Variants in ADAMTS2 observed in about 807,000 individuals in gnomAD.
The protein encoded by ADAMTS2 is A disintegrin and metalloproteinase with thrombospondin motifs 2.
A neutral mutation model predicts 123.0 loss-of-function variants in ADAMTS2; 50 were observed. That is an observed-to-expected ratio of 0.41 (90% CI 0.32 to 0.51). The LOEUF (loss-of-function observed/expected upper bound fraction) is 0.51. Ranked by LOEUF, ADAMTS2 falls within the 20% of genes least tolerant of loss-of-function variation. The pLI is 0.35. For missense variants in ADAMTS2, 1,494 were observed against 1,705.2 expected (o/e 0.88, Z 2.18); for synonymous variants, 678 against 695.4 (o/e 0.98, Z 0.39).
At chr5:179,291,165 C>T (rs1756177456) in intron 2 of ADAMTS2, among the ~76,000 whole-genome samples, 2 of 152,328 alleles carry the variant, frequency 1.3e-5, no homozygotes, top group Admixed American at 1.3e-4. Flanking sequence ...TTGAGGATTC[C>T]CACTCACATC....
Position 179,284,531 on chromosome 5 carries a change from T to C in ADAMTS2, c.535-11467A>G, listed in dbSNP as rs187583839. On this transcript the variant is annotated intron_variant, in intron 2 of 21. Coordinates refer to ENST00000251582, the MANE Select transcript of ADAMTS2 (RefSeq NM_014244.5). ...CCTCCCAAGTAGCTGGGATTACAGG[T>C]GCACAACACCATGCCTGGCTAATTT... 1.1e-3 allele frequency among the ~76,000 whole-genome samples: 165 copies of C among 152,006 alleles called. 1 individual carries two copies. Among genetic ancestry groups the C allele is most frequent in the African/African-American group, 3.8e-3 (156 of 41,498 alleles).
intron 3 of ADAMTS2, among the ~76,000 whole-genome samples, chr5:179,217,773 ACACTCACT>A (rs1765019593): frequency 8.3e-6 from 1 of 120,002 alleles, no homozygotes; most frequent in Admixed American, 8.5e-5. Context: ...GGGGATGGGC[ACACTCACT>A]AGGGGATGGC....
intron 4 of ADAMTS2, among the ~76,000 whole-genome samples, chr5:179,184,038 G>A (rs1208829390): frequency 6.6e-6 from 1 of 152,152 alleles, no homozygotes. Context: ...AGAACTGTGG[G>A]AAATGAATTC....
chr5:179,154,987 A>G, intron 6 of ADAMTS2, 68 bp from the exon 7 acceptor site: 2 of 1,389,504 alleles, frequency 1.4e-6, no homozygotes, highest in Non-Finnish European at 2.0e-6. Context: ...GCCTGGCCTA[A>G]CTCCCAGGCG....
intron 3 of ADAMTS2, among the ~76,000 whole-genome samples, chr5:179,212,647 T>C (rs1372009237): frequency 5.9e-4 from 64 of 108,630 alleles, no homozygotes; most frequent in Non-Finnish European, 1.9e-5. Flanking sequence ...AGTGGGCAGG[T>C]GTGGGCCCTG....
intron 3 of ADAMTS2, among the ~76,000 whole-genome samples, chr5:179,212,307 G>A (rs902530807): frequency 1.4e-5 from 2 of 143,646 alleles, no homozygotes; most frequent in African/African-American, 5.1e-5. Flanking sequence ...CTGAAGGCAG[G>A]TGCAGTGAGC....
intron 12 of ADAMTS2, 81 bp downstream of exon 12, chr5:179,137,688 G>C: frequency 6.6e-7 from 1 of 1,515,824 alleles, no homozygotes; most frequent in African/African-American, 1.4e-5. Flanking sequence ...CCCCATGCAG[G>C]ATCAGAGGCA....
intron 4 of ADAMTS2, among the ~76,000 whole-genome samples, chr5:179,206,906 C>G (rs959850209): frequency 2.6e-5 from 4 of 152,166 alleles, no homozygotes; most frequent in Non-Finnish European, 4.4e-5. Context: ...CATAGACACC[C>G]CTTTCAATAG....
At chr5:179,212,794 A>G (rs1764892335) in intron 3 of ADAMTS2, among the ~76,000 whole-genome samples, 1 of 150,806 alleles carries the variant, frequency 6.6e-6, no homozygotes, top group Admixed American at 6.6e-5. Context: ...GGGCAAGTGC[A>G]GTGGGCAGGT....
intron 4 of ADAMTS2, among the ~76,000 whole-genome samples, chr5:179,191,423 C>A (rs968619155): frequency 2.0e-5 from 3 of 152,154 alleles, no homozygotes; most frequent in African/African-American, 7.2e-5. Flanking sequence ...CCGGCCCATC[C>A]CGTGACTGAG....
intron 2 of ADAMTS2, among the ~76,000 whole-genome samples, chr5:179,327,873 T>C (rs947249448): frequency 3.3e-5 from 5 of 152,118 alleles, no homozygotes; most frequent in Admixed American, 6.5e-5. Context: ...AGAAAGTAAC[T>C]GCACACGTAG....
At chr5:179,253,005 CT>C (rs1161140683) in intron 3 of ADAMTS2, among the ~76,000 whole-genome samples, 2 of 152,208 alleles carry the variant, frequency 1.3e-5, no homozygotes, top group African/African-American at 4.8e-5. Flanking sequence ...GGTGACCTGT[CT>C]TTCCCCAGCA....
chr5:179,330,946 C>T (rs1420152785), intron 2 of ADAMTS2, among the ~76,000 whole-genome samples: 1 of 152,188 alleles, frequency 6.6e-6, no homozygotes, highest in Non-Finnish European at 1.5e-5. Flanking sequence ...GCAATTCACC[C>T]TGCTTGTACA....
At chr5:179,298,742 G>A (rs1756413999) in intron 2 of ADAMTS2, among the ~76,000 whole-genome samples, 1 of 152,134 alleles carries the variant, frequency 6.6e-6, no homozygotes, top group South Asian at 2.1e-4. Context: ...GCGCTGGTTA[G>A]GGGTGGGGTG....
Position 179,125,987 on chromosome 5 carries a change from G to A in ADAMTS2, c.2750+11C>T, listed in dbSNP as rs1762848957. 4 of 1,613,264 alleles carry A rather than the reference G, an allele frequency of 2.5e-6. No individual in the cohort carries two copies. In the African/African-American group the frequency reaches 4.0e-5, roughly 16 times the overall value. On this transcript the variant is annotated intron_variant, in intron 18 of 21. Transcript: ENST00000251582. ...TCTCCTCTAGTGGGAGCCCGAGCTG[G>A]GGGCACTCACACTGGCTGGGAGCAT...
rs1164259596 is a variant in ADAMTS2, at chr5:179,121,701, G to A, written c.3138C>T (p.Ser1046=). The A allele has an allele frequency of 6.3e-6, 10 of 1,596,634 alleles. No homozygotes were observed. The highest frequency in any genetic ancestry group is 8.5e-6 in the Non-Finnish European group (10 of 1,171,762). ...SKKSYVVQWL[S]RPDPDSPIRK... is the part of the protein sequence containing the mutation. The stretch of plus-strand genomic sequence containing the variant: ...GGATGGGCGAGTCGGGGTCCGGGCG[G>A]GACAGCCACTGAACTACGTAGCTCT... Residue 1046 remains serine (S), a synonymous_variant, in exon 21 of 22, where the codon TCC becomes TCT. Transcript: ENST00000251582.
rs534328805 is a variant in ADAMTS2, at chr5:179,143,722, C to T, written c.1630-3687G>A. ...TGAGGACAAATAGCCATTAAGCACA[C>T]GAAAAGCAACGGAATAGATTTGTGT... On this transcript the variant is annotated intron_variant, in intron 10 of 21. Coordinates refer to ENST00000251582, the MANE Select transcript of ADAMTS2 (RefSeq NM_014244.5). 6.7e-5 allele frequency among the ~76,000 whole-genome samples: 10 copies of T among 149,818 alleles called. No individual in the cohort carries two copies. In the South Asian group the frequency reaches 1.7e-3, roughly 25 times the overall value.
chr5:179,191,120 C>A (rs1764295170), intron 4 of ADAMTS2, among the ~76,000 whole-genome samples: 1 of 152,274 alleles, frequency 6.6e-6, no homozygotes, highest in Non-Finnish European at 1.5e-5. Flanking sequence ...CGCAGAAGGA[C>A]ACGGCCGAGG....
At chr5:179,324,248 G>C (rs999619387) in intron 2 of ADAMTS2, among the ~76,000 whole-genome samples, 1 of 152,102 alleles carries the variant, frequency 6.6e-6, no homozygotes, top group African/African-American at 2.4e-5. Flanking sequence ...ACATACTAAA[G>C]CCATTCATTG....
Sources: allele counts gnomAD v4.1 joint callset (sites outside exome capture counted in the v4.1 genomes callset), GRCh38; gene constraint gnomAD v4.1.1; transcripts MANE v1.5; gene names NCBI Gene and HGNC (gene_info 2026-07-23, HGNC 2026-07-21).